The following RCAN1 variants were observed in gnomAD, a reference collection of about 807,000 sequenced individuals.
RCAN1 encodes the protein calcipressin-1.
RCAN1 carries 11 observed loss-of-function variants against 22.9 expected under a neutral mutation model. The observed-to-expected ratio is 0.48, with a 90% CI of 0.30 to 0.79. RCAN1 has a LOEUF of 0.79. Ranked by LOEUF, RCAN1 falls within the 30% of genes least tolerant of loss-of-function variation. The probability of loss-of-function intolerance (pLI) is 0.06; values close to 1 mark genes in which losing one functional copy is unlikely to be tolerated. For missense variants in RCAN1, 291 were observed against 337.8 expected, an observed-to-expected ratio of 0.86 and a Z score of 1.09; for synonymous variants, 136 against 142.3, an observed-to-expected ratio of 0.96 and a Z score of 0.32.
In RCAN1 at chr21:34,592,339, T is replaced by C. The variant is rs549881024; in HGVS notation, c.252+22421A>G. ...CTCTCATGAGTCCCTGATAATGGCG[T>C]CCGCCACACGCCCACACCCTTTTGG... On this transcript the variant is annotated intron_variant, in intron 1 of 3. Coordinates refer to ENST00000313806, the MANE Select transcript of RCAN1 (RefSeq NM_004414.7). Among the ~76,000 whole-genome samples the C allele has an allele frequency of 2.2e-4, 33 of 152,260 alleles. 1 individual carries two copies. The South Asian group carries it at 6.8e-3, about 32-fold the overall frequency.
intron 1 of RCAN1, among the ~76,000 whole-genome samples, chr21:34,601,046 G>A (rs1988321699): frequency 6.6e-6 from 1 of 152,166 alleles, no homozygotes; most frequent in East Asian, 1.9e-4. Flanking sequence ...AAGTGCCTAA[G>A]TTACTCATGG....
At chr21:34,545,529 T>A (rs1350490059) in intron 1 of RCAN1, among the ~76,000 whole-genome samples, 1 of 152,204 alleles carries the variant, frequency 6.6e-6, no homozygotes, top group African/African-American at 2.4e-5. Flanking sequence ...TGACCCCCAG[T>A]ATGCTTCCTT....
chr21:34,593,909 G>GT (rs1988057878), intron 1 of RCAN1, among the ~76,000 whole-genome samples: 1 of 152,164 alleles, frequency 6.6e-6, no homozygotes, highest in Non-Finnish European at 1.5e-5. Context: ...TATAATACGT[G>GT]TAAGAAAAAA....
intron 1 of RCAN1, among the ~76,000 whole-genome samples, chr21:34,555,335 A>T (rs1489304287): frequency 6.6e-6 from 1 of 152,182 alleles, no homozygotes; most frequent in East Asian, 1.9e-4. Context: ...AAGAAAGTAC[A>T]TTTACTTTAT....
intron 1 of RCAN1, among the ~76,000 whole-genome samples, chr21:34,588,009 T>C (rs1987855333): frequency 6.6e-6 from 1 of 152,220 alleles, no homozygotes; most frequent in African/African-American, 2.4e-5. Flanking sequence ...CATCAGTTCA[T>C]TCCTGGGTCT....
chr21:34,601,253 A>G (rs1988330285), intron 1 of RCAN1, among the ~76,000 whole-genome samples: 2 of 152,198 alleles, frequency 1.3e-5, no homozygotes, highest in Non-Finnish European at 2.9e-5. Flanking sequence ...CATACTAAAT[A>G]CTTACTATGA....
intron 1 of RCAN1, among the ~76,000 whole-genome samples, chr21:34,538,505 C>G (rs188006319): frequency 6.6e-6 from 1 of 152,156 alleles, no homozygotes; most frequent in Non-Finnish European, 1.5e-5. Flanking sequence ...TCCCCATCCA[C>G]TCCCCGCCAT....
chr21:34,606,742 C>T (rs185285421), intron 1 of RCAN1, among the ~76,000 whole-genome samples: 1 of 152,246 alleles, frequency 6.6e-6, no homozygotes, highest in African/African-American at 2.4e-5. Context: ...AGAGAGCTTG[C>T]TCCTCTCTCC....
intron 1 of RCAN1, among the ~76,000 whole-genome samples, chr21:34,538,052 G>T (rs71329073): frequency 0.08 from 12,118 of 152,262 alleles, 654 homozygotes; most frequent in South Asian, 0.13. Context: ...AAATGATTGG[G>T]CCATGTCAGA....
At position 34,609,836 on chromosome 21, in the gene RCAN1, G is replaced by A. The variant is rs201831369; in HGVS notation, c.252+4924C>T. ...TGGATGTGAAAAACATCTGATTTTA[G>A]AGTCAGAAACCCTAAAATTAGAGAA... On this transcript the variant is annotated intron_variant, in intron 1 of 3. Transcript: ENST00000313806. Among the ~76,000 whole-genome samples, 6 of 152,174 alleles carry A rather than the reference G, an allele frequency of 3.9e-5. No individual in the cohort carries two copies. The East Asian group carries it at 9.6e-4, about 24-fold the overall frequency.
intron 1 of RCAN1, among the ~76,000 whole-genome samples, chr21:34,528,066 C>G (rs1169105684): frequency 2.0e-5 from 3 of 152,194 alleles, no homozygotes; most frequent in Admixed American, 2.0e-4. Flanking sequence ...TCTTCTCACT[C>G]TCTCCAATTT....
At chr21:34,603,143 G>A (rs901126195) in intron 1 of RCAN1, among the ~76,000 whole-genome samples, 5 of 152,156 alleles carry the variant, frequency 3.3e-5, no homozygotes, top group African/African-American at 7.2e-5. Context: ...TTCTGAAAGT[G>A]CACTTTGCCT....
At chr21:34,594,685 C>G (rs147660256) in intron 1 of RCAN1, among the ~76,000 whole-genome samples, 2 of 152,194 alleles carry the variant, frequency 1.3e-5, no homozygotes, top group Non-Finnish European at 2.9e-5. Context: ...AGTCCAGGTG[C>G]TCAGAAATAA....
chr21:34,541,319 T>C (rs1339190974), intron 1 of RCAN1, among the ~76,000 whole-genome samples: 1 of 152,136 alleles, frequency 6.6e-6, no homozygotes, highest in Non-Finnish European at 1.5e-5. Flanking sequence ...TTTAAATAAG[T>C]GGGAAAAAGA....
chr21:34,555,580 A>ATAAT (rs1019609916), intron 1 of RCAN1, among the ~76,000 whole-genome samples: 10 of 150,030 alleles, frequency 6.7e-5, no homozygotes, highest in African/African-American at 2.0e-4. Flanking sequence ...TCAAAAAAAA[A>ATAAT]AATAAATAAA....
At chr21:34,582,963 G>C (rs1226147013) in intron 1 of RCAN1, among the ~76,000 whole-genome samples, 1 of 149,766 alleles carries the variant, frequency 6.7e-6, no homozygotes, top group Non-Finnish European at 1.5e-5. Context: ...AAGAGTGTCA[G>C]AGAGAGAGAG....
intron 1 of RCAN1, chr21:34,525,721 T>C (rs1984998124): frequency 2.2e-5 from 4 of 184,236 alleles, no homozygotes; most frequent in Non-Finnish European, 4.5e-5. Flanking sequence ...CTAGTTATTA[T>C]AGCTTTTGGA....
At chr21:34,591,470 G>A (rs980984816) in intron 1 of RCAN1, among the ~76,000 whole-genome samples, 1 of 152,112 alleles carries the variant, frequency 6.6e-6, no homozygotes, top group Admixed American at 6.5e-5. Context: ...CCCTGGGGGG[G>A]AACACGATGT....
At chr21:34,587,341 A>G (rs374241041) in intron 1 of RCAN1, among the ~76,000 whole-genome samples, 144 of 152,300 alleles carry the variant, frequency 9.5e-4, no homozygotes, top group African/African-American at 3.4e-3. Context: ...TATCTTTATC[A>G]GTGAAATCTC....
Sources: gnomAD v4.1 joint callset for allele counts (sites outside exome capture counted in the v4.1 genomes callset) on GRCh38, gnomAD v4.1.1 for gene constraint, MANE v1.5 for transcripts, NCBI Gene and HGNC (gene_info 2026-07-23, HGNC 2026-07-21) for gene names.